RANBP2: variants seen among roughly 807,000 people sequenced by gnomAD.
RANBP2 encodes the protein E3 SUMO-protein ligase RanBP2.
A neutral mutation model predicts 303.6 loss-of-function variants in RANBP2; 57 were observed. The observed-to-expected ratio is 0.19, with a 90% confidence interval of 0.15 to 0.23. The LOEUF is 0.23. Among genes scored for constraint, RANBP2 ranks in the 10% least tolerant of loss-of-function variants. The pLI is 1.00. For synonymous variants in RANBP2, 1,167 were observed against 1,301.5 expected, an observed-to-expected ratio of 0.90 and a Z score of 2.23; for missense variants, 3,138 against 3,780.8, an observed-to-expected ratio of 0.83 and a Z score of 4.46.
the RANBP2 span, among the ~76,000 whole-genome samples, chr2:108,950,170 T>G: frequency 6.6e-6 from 1 of 152,104 alleles, no homozygotes; most frequent in East Asian, 1.9e-4. Flanking sequence ...CCATCTAAGA[T>G]GTCATGTCTT....
the RANBP2 span, among the ~76,000 whole-genome samples, chr2:109,105,846 C>T: frequency 5.1e-4 from 73 of 144,538 alleles, no homozygotes; most frequent in African/African-American, 8.6e-4. Context: ...TGAGCCACCG[C>T]GCCTGGTCTT....
At chr2:109,411,017 A>G in the RANBP2 span, among the ~76,000 whole-genome samples, 1 of 152,214 alleles carries the variant, frequency 6.6e-6, no homozygotes, top group South Asian at 2.1e-4. Flanking sequence ...GCCTAGAATC[A>G]TTTAAAATTA....
At chr2:108,727,162 C>T (rs945905967) in intron 1 of RANBP2, among the ~76,000 whole-genome samples, 10 of 152,112 alleles carry the variant, frequency 6.6e-5, no homozygotes, top group Admixed American at 2.0e-4. Context: ...ACCTCCCAGA[C>T]GGGGTGGTGG....
At chr2:108,758,278 C>T in intron 17 of RANBP2, 135 bp from the exon 18 acceptor site, 3 of 1,379,076 alleles carry the variant, frequency 2.2e-6, no homozygotes, top group Non-Finnish European at 2.9e-6. Flanking sequence ...GCCTGGACGA[C>T]AGATCGAGAC....
intron 17 of RANBP2, among the ~76,000 whole-genome samples, chr2:108,756,452 G>A (rs930829072): frequency 6.6e-5 from 10 of 152,188 alleles, no homozygotes; most frequent in African/African-American, 2.2e-4. Flanking sequence ...ATACTGCTAA[G>A]GTTACATCAA....
At chr2:109,336,614 T>A in the RANBP2 span, among the ~76,000 whole-genome samples, 6 of 152,334 alleles carry the variant, frequency 3.9e-5, no homozygotes, top group Middle Eastern at 3.4e-3. Context: ...AGGCAAATGC[T>A]CTTTGCAGCA....
chr2:109,294,884 G>A, the RANBP2 span, among the ~76,000 whole-genome samples: 3 of 152,222 alleles, frequency 2.0e-5, no homozygotes, highest in African/African-American at 4.8e-5. Flanking sequence ...GAGTGAGAAA[G>A]ACTTAGTGAG....
the RANBP2 span, among the ~76,000 whole-genome samples, chr2:109,134,773 C>T: frequency 6.6e-6 from 1 of 152,168 alleles, no homozygotes; most frequent in Non-Finnish European, 1.5e-5. Context: ...AAGCAGTGGC[C>T]ACCCCTTCCA....
chr2:108,903,490 T>G, the RANBP2 span, among the ~76,000 whole-genome samples: 6 of 152,162 alleles, frequency 3.9e-5, no homozygotes, highest in Admixed American at 2.0e-4. Context: ...TCAGGACTTA[T>G]ATGTTATTAC....
chr2:109,216,771 A>T, the RANBP2 span, among the ~76,000 whole-genome samples: 430 of 152,348 alleles, frequency 2.8e-3, 3 homozygotes, highest in Non-Finnish European at 4.6e-3. Context: ...ATATTTTTTT[A>T]AATTGTGGCA....
chr2:109,150,357 A>G, the RANBP2 span, among the ~76,000 whole-genome samples: 1 of 152,158 alleles, frequency 6.6e-6, no homozygotes, highest in African/African-American at 2.4e-5. Flanking sequence ...CAGGTGGTAC[A>G]AGACCATGCT....
chr2:109,268,401 T>C, the RANBP2 span, among the ~76,000 whole-genome samples: 1 of 152,018 alleles, frequency 6.6e-6, no homozygotes, highest in Non-Finnish European at 1.5e-5. Context: ...GCAGCAGGGC[T>C]GAGAGCTGGG....
chr2:109,010,811 A>G, the RANBP2 span, among the ~76,000 whole-genome samples: 57 of 152,146 alleles, frequency 3.7e-4, no homozygotes, highest in Non-Finnish European at 6.3e-4. Context: ...TTTTGTTTCC[A>G]TAGAGTTAAA....
chr2:108,914,110 A>G, the RANBP2 span, among the ~76,000 whole-genome samples: 1 of 151,860 alleles, frequency 6.6e-6, no homozygotes, highest in African/African-American at 2.4e-5. Context: ...AATACAAAAA[A>G]TTAGCCAGGC....
chr2:109,723,608 T>C, the RANBP2 span, among the ~76,000 whole-genome samples: 198 of 152,322 alleles, frequency 1.3e-3, 1 homozygote, highest in African/African-American at 4.6e-3. Context: ...GCCTACTTTT[T>C]AATGGGGTTT....
the RANBP2 span, among the ~76,000 whole-genome samples, chr2:109,639,550 C>T: frequency 6.6e-6 from 1 of 151,566 alleles, no homozygotes. Context: ...ACCCAGGAGG[C>T]GTTGGTTGCA....
chr2:108,811,263 G>A, the RANBP2 span, among the ~76,000 whole-genome samples: 51 of 11,720 alleles, frequency 4.4e-3, no homozygotes, highest in African/African-American at 0.02. Context: ...TTTTTTTTTT[G>A]ACTGTCTCCC....
chr2:108,923,356 A>G, the RANBP2 span: 2 of 1,613,558 alleles, frequency 1.2e-6, no homozygotes, highest in Non-Finnish European at 1.7e-6. Flanking sequence ...GTGGAAGGAC[A>G]AAGACACTCA....
Position 108,731,481 on chromosome 2 carries a change from A to C in RANBP2, c.405+7A>C. ...TGCAATTTATAAACTAAAGGTAAAC[A>C]AACAAAACATAAAGGGAGAAAACTT... is the stretch of plus-strand genomic sequence containing the variant. On this transcript the variant is annotated splice_region_variant and intron_variant, in intron 4 of 28. Transcript: ENST00000283195. 2.5e-6 allele frequency: 4 copies of C among 1,611,220 alleles called. No homozygotes were observed. Among genetic ancestry groups the C allele is most frequent in the Non-Finnish European group, 3.4e-6 (4 of 1,179,450 alleles).
Sources: allele counts gnomAD v4.1 joint callset (sites outside exome capture counted in the v4.1 genomes callset), GRCh38; gene constraint gnomAD v4.1.1; transcripts MANE v1.5; gene names NCBI Gene and HGNC (gene_info 2026-07-23, HGNC 2026-07-21).